Variants in DNAH14 observed in about 807,000 individuals in gnomAD.
DNAH14 encodes the protein axonemal beta dynein heavy chain 14.
Under a neutral mutation model 520.9 loss-of-function variants are expected in DNAH14, and 478 were observed. The observed-to-expected ratio is 0.92, with a 90% CI of 0.85 to 0.99. The LOEUF (loss-of-function observed/expected upper bound fraction) is 0.99, where lower values mean the gene tolerates loss of function less well. DNAH14 is among the 50% of genes least tolerant of loss of function. DNAH14 has a pLI of 0.00. For synonymous variants in DNAH14, 1,581 were observed against 1,757.2 expected, an observed-to-expected ratio of 0.90 and a Z score of 2.51; for missense variants, 4,831 against 5,234.5, an observed-to-expected ratio of 0.92 and a Z score of 2.38.
chr1:224,959,460 A>G (rs952672260), intron 3 of DNAH14, among the ~76,000 whole-genome samples: 1 of 152,140 alleles, frequency 6.6e-6, no homozygotes, highest in Non-Finnish European at 1.5e-5. Context: ...GTTTGTAATT[A>G]TCGTGTCTTT....
chr1:224,996,971 A>T (rs1046130970), intron 8 of DNAH14, among the ~76,000 whole-genome samples: 3 of 152,002 alleles, frequency 2.0e-5, no homozygotes, highest in Non-Finnish European at 4.4e-5. Context: ...GTGTGGGGGC[A>T]GGGTCTGAGG....
At chr1:225,075,706 T>C (rs983315340) in intron 17 of DNAH14, among the ~76,000 whole-genome samples, 1 of 152,160 alleles carries the variant, frequency 6.6e-6, no homozygotes, top group African/African-American at 2.4e-5. Flanking sequence ...TTATTGTGAA[T>C]TATTTCTCAG....
chr1:225,106,637 C>G (rs964538249), intron 23 of DNAH14, among the ~76,000 whole-genome samples: 6 of 152,056 alleles, frequency 3.9e-5, no homozygotes, highest in Non-Finnish European at 8.8e-5. Context: ...ATTTGATCTT[C>G]CATCACGGAT....
intron 10 of DNAH14, among the ~76,000 whole-genome samples, chr1:225,009,699 A>G (rs1198666440): frequency 1.3e-5 from 2 of 152,236 alleles, no homozygotes; most frequent in Non-Finnish European, 2.9e-5. Flanking sequence ...TTTGGGAAGT[A>G]TGACCATTTT....
intron 15 of DNAH14, among the ~76,000 whole-genome samples, chr1:225,044,395 A>T (rs2067754825): frequency 6.6e-6 from 1 of 152,178 alleles, no homozygotes; most frequent in South Asian, 2.1e-4. Flanking sequence ...CAAAGAATTT[A>T]TTCTTTTCTC....
chr1:225,277,391 G>C lies in DNAH14; in HGVS notation c.8179-19G>C. ...TTCTGTACCTATAATCCATTTATTT[G>C]TCACATTTGATCTGCTAGCTTTCTC... On this transcript the variant is annotated intron_variant, in intron 53 of 85. Transcript: ENST00000682510. 2.2e-6 allele frequency: 1 copy of C among 460,314 alleles called. No individual in the cohort carries two copies. Among genetic ancestry groups the C allele is most frequent in the South Asian group, 1.6e-5 (1 of 62,038 alleles). The allele number at this position is 460,314 out of a possible 1,614,324, so 28.5% of individuals were successfully genotyped here.
intron 27 of DNAH14, among the ~76,000 whole-genome samples, chr1:225,133,467 A>T (rs1014981523): frequency 2.6e-5 from 4 of 152,150 alleles, no homozygotes; most frequent in African/African-American, 9.7e-5. Flanking sequence ...TCCCAGCACC[A>T]TTTCTTAAAT....
chr1:225,176,928 T>G (rs2083400466), intron 36 of DNAH14, among the ~76,000 whole-genome samples: 1 of 152,102 alleles, frequency 6.6e-6, no homozygotes, highest in African/African-American at 2.4e-5. Context: ...GGGGTGTTGC[T>G]GAAAAGATAC....
chr1:224,999,475 G>A (rs1183347055), intron 8 of DNAH14, among the ~76,000 whole-genome samples: 1 of 152,116 alleles, frequency 6.6e-6, no homozygotes, highest in Non-Finnish European at 1.5e-5. Context: ...AGAGTGCTGG[G>A]ATTACAGGTG....
At chr1:225,069,059 G>C in intron 17 of DNAH14, among the ~76,000 whole-genome samples, 1 of 141,186 alleles carries the variant, frequency 7.1e-6, no homozygotes, top group Non-Finnish European at 1.5e-5. Flanking sequence ...TCCAGCCTGG[G>C]CGACAGAGCG....
intron 17 of DNAH14, among the ~76,000 whole-genome samples, chr1:225,078,709 G>T (rs897571833): frequency 6.6e-6 from 1 of 151,194 alleles, no homozygotes; most frequent in South Asian, 2.1e-4. Flanking sequence ...TGCTGTTCTC[G>T]TGATAGAGTT....
At chr1:225,370,206 C>T (rs1312014890) in intron 77 of DNAH14, among the ~76,000 whole-genome samples, 2 of 152,026 alleles carry the variant, frequency 1.3e-5, no homozygotes, top group Non-Finnish European at 2.9e-5. Flanking sequence ...TGCTTGAACC[C>T]GGGAGGTGGA....
rs145913076 is a variant in DNAH14, at chr1:225,231,156, G to C, written c.6518+5G>C. ...ATTCAAGGATATAGAAAAGAGGTCA[G>C]TTACATTCCTTCAGAAAACATGTTT... On this transcript the variant is annotated splice_donor_5th_base_variant and intron_variant, in intron 42 of 85. Transcript: ENST00000682510. 1.3e-6 allele frequency: 2 copies of C among 1,532,306 alleles called. No individual in the cohort carries two copies. The highest frequency in any genetic ancestry group is 1.8e-6 in the Non-Finnish European group (2 of 1,137,474). 94.9% of individuals were successfully genotyped at this position (1,532,306 alleles called of 1,614,324 possible).
intron 64 of DNAH14, among the ~76,000 whole-genome samples, chr1:225,325,049 C>T (rs536846631): frequency 6.6e-6 from 1 of 151,768 alleles, no homozygotes; most frequent in Non-Finnish European, 1.5e-5. Context: ...CTATAGAGTT[C>T]ATTATTATTG....
In DNAH14 at chr1:225,259,202, A is replaced by T. The variant is rs1410852773; in HGVS notation, c.7106A>T (p.His2369Leu). 6.5e-6 allele frequency: 10 copies of T among 1,543,760 alleles called. No individual in the cohort carries two copies. Among genetic ancestry groups the T allele is most frequent in the Admixed American group, 6.1e-5 (3 of 49,272 alleles). ...LEGPGAFDIK[H>L]GSILGDTLLY... is the part of the protein sequence containing the mutation. ...GGTCCAGGAGCATTTGACATAAAAC[A>T]TGGTTCAATTTTAGGAGACACCCTA... The change falls in exon 46 of 86, where the codon CAT becomes CTT. Residue 2369 changes from histidine to leucine, a missense_variant. Transcript: ENST00000682510.
chr1:225,028,651 G>C (rs1389936972), intron 11 of DNAH14, among the ~76,000 whole-genome samples: 1 of 151,868 alleles, frequency 6.6e-6, no homozygotes, highest in Non-Finnish European at 1.5e-5. Flanking sequence ...AAAGATCTAA[G>C]CAGACATTTC....
chr1:225,083,449 G>T (rs549038465), intron 20 of DNAH14, among the ~76,000 whole-genome samples: 4 of 151,788 alleles, frequency 2.6e-5, no homozygotes, highest in Non-Finnish European at 4.4e-5. Flanking sequence ...ATTTTATATC[G>T]CCAGCCCTAA....
At chr1:225,043,861 A>G in intron 14 of DNAH14, 25 bp from the exon 15 acceptor site, 1 of 1,486,780 alleles carries the variant, frequency 6.7e-7, no homozygotes, top group Non-Finnish European at 9.1e-7. Context: ...CCTCTGAAAT[A>G]TGCTTTTATT....
chr1:225,276,854 G>A (rs956226600), intron 53 of DNAH14, among the ~76,000 whole-genome samples: 3 of 150,376 alleles, frequency 2.0e-5, no homozygotes, highest in African/African-American at 4.9e-5. Context: ...CCAGGAGGTC[G>A]AGGCTGCAGT....
Sources: allele counts gnomAD v4.1 joint callset (sites outside exome capture counted in the v4.1 genomes callset), GRCh38; gene constraint gnomAD v4.1.1; transcripts MANE v1.5; gene names NCBI Gene and HGNC (gene_info 2026-07-23, HGNC 2026-07-21).